The following MACROD2 variants were observed in gnomAD, a reference collection of about 807,000 sequenced individuals.
MACROD2 encodes ADP-ribose glycohydrolase MACROD2.
A neutral mutation model predicts 70.4 loss-of-function variants in MACROD2; 36 were observed. The observed-to-expected ratio is 0.51, with a 90% CI of 0.39 to 0.68. The LOEUF (loss-of-function observed/expected upper bound fraction) is 0.68. Among genes scored for constraint, MACROD2 ranks in the 30% least tolerant of loss-of-function variants. The pLI is 0.00. For missense variants in MACROD2, 496 were observed against 538.4 expected (o/e 0.92, Z 0.78); for synonymous variants, 172 against 178.8 (o/e 0.96, Z 0.30).
At chr20:14,202,642 A>T (rs1980701) in intron 3 of MACROD2, among the ~76,000 whole-genome samples, 8 of 152,298 alleles carry the variant, frequency 5.3e-5, no homozygotes, top group South Asian at 2.1e-4. Flanking sequence ...GAATATAAGA[A>T]GAAAAGAAGT....
intron 8 of MACROD2, among the ~76,000 whole-genome samples, chr20:15,808,064 C>T (rs540802205): frequency 2.6e-5 from 4 of 152,244 alleles, no homozygotes; most frequent in African/African-American, 7.2e-5. Flanking sequence ...CGTACCCCCT[C>T]CTTGCTCAAT....
At chr20:14,132,129 CA>C (rs34790385) in intron 3 of MACROD2, among the ~76,000 whole-genome samples, 6,011 of 96,548 alleles carry the variant, frequency 0.062, 111 homozygotes, top group African/African-American at 0.093. Flanking sequence ...AGACTCTATC[CA>C]AAAAAAAAAA....
At chr20:15,206,219 A>T (rs2076700831) in intron 5 of MACROD2, among the ~76,000 whole-genome samples, 3 of 152,350 alleles carry the variant, frequency 2.0e-5, no homozygotes, top group African/African-American at 4.8e-5. Context: ...ATATAAAAAA[A>T]ATCAAGAAGC....
chr20:14,976,945 C>G (rs1296865473), intron 5 of MACROD2, among the ~76,000 whole-genome samples: 1 of 151,908 alleles, frequency 6.6e-6, no homozygotes, highest in East Asian at 1.9e-4. Context: ...TAAACATTTT[C>G]TTCAAAGTAT....
chr20:15,942,978 C>T (rs1400049290), intron 12 of MACROD2, among the ~76,000 whole-genome samples: 3 of 152,144 alleles, frequency 2.0e-5, no homozygotes, highest in Non-Finnish European at 2.9e-5. Context: ...TCCTTTGGAA[C>T]ACCATGTAAG....
At chr20:15,197,451 A>G (rs1316195018) in intron 5 of MACROD2, among the ~76,000 whole-genome samples, 3 of 152,138 alleles carry the variant, frequency 2.0e-5, no homozygotes, top group African/African-American at 7.2e-5. Flanking sequence ...TGTTTAAAAT[A>G]TTTTTAAAGT....
chr20:14,492,490 T>C (rs2084806003), intron 3 of MACROD2, among the ~76,000 whole-genome samples: 2 of 152,196 alleles, frequency 1.3e-5, no homozygotes, highest in Admixed American at 1.3e-4. Flanking sequence ...CATTGAATCA[T>C]TAACAATGAT....
chr20:14,376,457 A>ATC (rs2083371427), intron 3 of MACROD2, among the ~76,000 whole-genome samples: 2 of 152,106 alleles, frequency 1.3e-5, no homozygotes, highest in Non-Finnish European at 2.9e-5. Flanking sequence ...AAAAGAATGC[A>ATC]CCCTGTGGGG....
intron 5 of MACROD2, among the ~76,000 whole-genome samples, chr20:14,979,809 T>G (rs955908847): frequency 2.0e-5 from 3 of 152,212 alleles, no homozygotes; most frequent in African/African-American, 7.2e-5. Flanking sequence ...TAGAATAATA[T>G]GAACTTTGGA....
At chr20:14,243,215 G>C (rs2081943446) in intron 3 of MACROD2, among the ~76,000 whole-genome samples, 1 of 152,130 alleles carries the variant, frequency 6.6e-6, no homozygotes, top group South Asian at 2.1e-4. Flanking sequence ...AAATTTGTCA[G>C]CTTTTGTGCT....
chr20:14,604,502 A>G (rs1358115234), intron 4 of MACROD2, among the ~76,000 whole-genome samples: 1 of 152,216 alleles, frequency 6.6e-6, no homozygotes, highest in African/African-American at 2.4e-5. Flanking sequence ...AAACTAGGAT[A>G]GCATTGTGGC....
chr20:15,753,066 A>C (rs2051296016), intron 8 of MACROD2, among the ~76,000 whole-genome samples: 1 of 151,774 alleles, frequency 6.6e-6, no homozygotes, highest in African/African-American at 2.4e-5. Context: ...CCATGTGTAG[A>C]TCTTAAGGCA....
At chr20:14,331,851 GAAAAGA>G (rs2082847781) in intron 3 of MACROD2, among the ~76,000 whole-genome samples, 2 of 152,154 alleles carry the variant, frequency 1.3e-5, no homozygotes, top group South Asian at 4.2e-4. Flanking sequence ...TGTCGATGAT[GAAAAGA>G]AAAATGACCC....
At chr20:15,072,918 G>A (rs1275710135) in intron 5 of MACROD2, among the ~76,000 whole-genome samples, 3 of 152,072 alleles carry the variant, frequency 2.0e-5, no homozygotes, top group Admixed American at 1.3e-4. Context: ...TGGGTCATGG[G>A]GGCACCATCC....
intron 5 of MACROD2, among the ~76,000 whole-genome samples, chr20:14,734,332 A>G (rs2071632547): frequency 6.6e-6 from 1 of 152,034 alleles, no homozygotes; most frequent in South Asian, 2.1e-4. Flanking sequence ...CCCTGTCTCT[A>G]CTAAAAATAC....
At chr20:15,790,003 AT>A (rs1470372257) in intron 8 of MACROD2, among the ~76,000 whole-genome samples, 2 of 152,004 alleles carry the variant, frequency 1.3e-5, no homozygotes, top group African/African-American at 4.8e-5. Context: ...CAAAGGGAGA[AT>A]TCTTCTGAAA....
intron 6 of MACROD2, among the ~76,000 whole-genome samples, chr20:15,293,344 G>T (rs2077558085): frequency 6.6e-6 from 1 of 152,164 alleles, no homozygotes. Flanking sequence ...TTAAGTTTTA[G>T]AATATTGCGT....
At position 15,459,615 on chromosome 20, in the gene MACROD2, G is replaced by C. The variant is rs185946204; in HGVS notation, c.571+28180G>C. On this transcript the variant is annotated intron_variant, in intron 7 of 17. Transcript: ENST00000684519. ...TGCCTGCTAAGTTTCTAAGAGCGAT[G>C]GAAGAAGCTGGGCGAGGGGAATGGG... Among the ~76,000 whole-genome samples the C allele has an allele frequency of 1.0e-3, 156 of 152,176 alleles. 1 individual carries two copies. The highest frequency in any genetic ancestry group is 1.2e-3 in the Non-Finnish European group (84 of 68,006).
At chr20:14,365,578 CTG>C (rs1299796568) in intron 3 of MACROD2, among the ~76,000 whole-genome samples, 2 of 151,764 alleles carry the variant, frequency 1.3e-5, no homozygotes, top group African/African-American at 4.8e-5. Flanking sequence ...GTTTCGTTAA[CTG>C]TTTGTTGTTT....
Sources: gnomAD v4.1 joint callset for allele counts (sites outside exome capture counted in the v4.1 genomes callset) on GRCh38, gnomAD v4.1.1 for gene constraint, MANE v1.5 for transcripts, NCBI Gene and HGNC (gene_info 2026-07-23, HGNC 2026-07-21) for gene names.